The following WDR59 variants were observed in gnomAD, a reference collection of about 807,000 sequenced individuals.
WDR59 encodes GATOR2 complex protein WDR59.
Under a neutral mutation model 131.2 loss-of-function variants are expected in WDR59, and 100 were observed. The ratio of observed to expected loss-of-function variants is 0.76; its 90% CI spans 0.65 to 0.90. The LOEUF (loss-of-function observed/expected upper bound fraction) is 0.90, where lower values mean the gene tolerates loss of function less well. Ranked by LOEUF, WDR59 falls within the 40% of genes least tolerant of loss-of-function variation. The probability of loss-of-function intolerance (pLI) is 0.00; values close to 1 mark genes in which losing one functional copy is unlikely to be tolerated. For missense variants in WDR59, 1,203 were observed against 1,262.2 expected (o/e 0.95, Z 0.71); for synonymous variants, 601 against 466.2 (o/e 1.29, Z -3.72).
rs1567712322 is a variant in WDR59 at position 74,912,280 on chromosome 16, T to C, written c.1307A>G (p.Gln436Arg). 6.2e-7 allele frequency: 1 copy of C among 1,614,092 alleles called. No individual in the cohort carries two copies. Among genetic ancestry groups the C allele is most frequent in the African/African-American group, 1.3e-5 (1 of 74,946 alleles). The change falls in exon 14 of 26, where the codon CAG becomes CGG. Residue 436 changes from glutamine (Q) to arginine (R), a missense_variant. By Grantham distance (43) the Gln-to-Arg change is conservative. Coordinates refer to ENST00000262144, the MANE Select transcript of WDR59 (RefSeq NM_030581.4). Reference protein sequence around the residue: ...RVKMLVKFPAQYPNNAAPSFQ... With the variant: ...RVKMLVKFPARYPNNAAPSFQ... ...GGAAGGGGCGGCGTTGTTTGGGTAC[T>C]GTGCAGGGAACTTCACCAGCATCTT...
At chr16:74,967,362 G>T (rs1327011012) in intron 1 of WDR59, among the ~76,000 whole-genome samples, 5 of 152,170 alleles carry the variant, frequency 3.3e-5, no homozygotes, top group African/African-American at 1.2e-4. Flanking sequence ...TGATAAGGAG[G>T]AGGGCAAGAT....
intron 2 of WDR59, among the ~76,000 whole-genome samples, chr16:74,958,570 G>T (rs1477689970): frequency 2.3e-5 from 2 of 86,444 alleles, no homozygotes; most frequent in East Asian, 7.5e-4. Flanking sequence ...TCCAGCCTGG[G>T]GGACAGGCTG....
intron 8 of WDR59, among the ~76,000 whole-genome samples, chr16:74,927,477 A>G (rs538736760): frequency 2.8e-4 from 42 of 151,256 alleles, no homozygotes; most frequent in Non-Finnish European, 4.9e-4. Context: ...AGTCCCAGCT[A>G]CTTGCGAGGC....
intron 18 of WDR59, among the ~76,000 whole-genome samples, chr16:74,897,147 C>A (rs1965335371): frequency 1.3e-5 from 2 of 152,232 alleles, no homozygotes; most frequent in Admixed American, 6.5e-5. Flanking sequence ...CTCCACCCTT[C>A]TACGATGACT....
chr16:74,981,641 TATATATATATA>T lies in WDR59; in HGVS notation c.54+3312_54+3322del, dbSNP rs1270150457. Among the ~76,000 whole-genome samples the T allele has an allele frequency of 6.8e-3, 342 of 50,202 alleles. 40 individuals carry two copies. The highest frequency in any genetic ancestry group is 0.029 in the African/African-American group (217 of 7,362). 32.9% of individuals were successfully genotyped at this position (50,202 alleles called of 152,430 possible). On this transcript the variant is annotated intron_variant, in intron 1 of 25. Coordinates refer to ENST00000262144, the MANE Select transcript of WDR59 (RefSeq NM_030581.4). ...ATATATATATATATATATATATATA[TATATATATATA>T]TATATATATTTTTTTTTTTTTTAGA... is the stretch of plus-strand genomic sequence containing the variant.
rs547475487 is a variant in WDR59, at chr16:74,954,143, T to C, written c.240+2332A>G. 3.3e-5 allele frequency among the ~76,000 whole-genome samples: 5 copies of C among 152,240 alleles called. No individual in the cohort carries two copies. In the East Asian group the frequency reaches 9.7e-4, roughly 29 times the overall value. On this transcript the variant is annotated intron_variant, in intron 3 of 25. Coordinates refer to ENST00000262144, the MANE Select transcript of WDR59 (RefSeq NM_030581.4). ...CCACAATAAGGCTGGGTGCGGTGGC[T>C]CATGCCTGTAATCCAAGCACTTTGG...
chr16:74,903,996 C>A lies in WDR59; in HGVS notation c.1817G>T (p.Arg606Leu). 3 of 1,611,260 alleles carry A rather than the reference C, an allele frequency of 1.9e-6. No individual in the cohort carries two copies. Among genetic ancestry groups the A allele is most frequent in the Non-Finnish European group, 1.7e-6 (2 of 1,179,188 alleles). ...GATGGAGACCTGCTCTTTCTCGCTG[C>A]GAGTGGGGCTCCCACTGTATAAACG... is the stretch of plus-strand genomic sequence containing the variant. ...NLRLYSGSPT[R>L]SEKEQVSISS... Residue 606 changes from arginine to leucine, a missense_variant, in exon 18 of 26, where the codon CGC becomes CTC. By Grantham distance (102) the Arg-to-Leu change is moderately radical. Transcript: ENST00000262144.
In WDR59 at chr16:74,933,713, A is replaced by G. The variant is rs144956683; in HGVS notation, c.651+4437T>C. ...GCGATTCTCCTGCCTCAGCCACCCA[A>G]CTAGCTGGGATTACAGGCTGCACCA... On this transcript the variant is annotated intron_variant, in intron 8 of 25. Coordinates refer to ENST00000262144, the MANE Select transcript of WDR59 (RefSeq NM_030581.4). 1.5e-3 allele frequency among the ~76,000 whole-genome samples: 225 copies of G among 152,140 alleles called. 3 individuals carry two copies. The highest frequency in any genetic ancestry group is 5.1e-3 in the African/African-American group (212 of 41,508).
chr16:74,901,651 TAAAAAAA>T (rs200878105), intron 18 of WDR59, among the ~76,000 whole-genome samples: 1 of 135,826 alleles, frequency 7.4e-6, no homozygotes. Flanking sequence ...CCCCATCTCT[TAAAAAAA>T]AAAAAAAAAA....
At chr16:74,951,660 A>G (rs2033006944) in intron 3 of WDR59, 117 bp from the exon 4 acceptor site, 2 of 854,810 alleles carry the variant, frequency 2.3e-6, no homozygotes, top group Non-Finnish European at 3.8e-6. Flanking sequence ...AAGATCCTTC[A>G]GGCTGAACTT....
rs1231444150 is a variant in WDR59, at chr16:74,951,485, G to T, written c.299C>A (p.Thr100Asn). The change falls in exon 4 of 26, where the codon ACC (threonine) becomes AAC (asparagine). Residue 100 changes from threonine to asparagine, a missense_variant. Coordinates refer to ENST00000262144, the MANE Select transcript of WDR59 (RefSeq NM_030581.4). Reference protein sequence around the residue: ...WKDGSGEVGTTLQGHTRVISD... With the variant: ...WKDGSGEVGTNLQGHTRVISD... ...GATGACACGAGTGTGGCCTTGTAAGGTTGTGCCAACTTCCCCACTGCCGTC... is the reference window on the plus strand; with the variant it reads ...GATGACACGAGTGTGGCCTTGTAAGTTTGTGCCAACTTCCCCACTGCCGTC... 1 of 1,602,918 alleles carries T rather than the reference G, an allele frequency of 6.2e-7. No homozygotes were observed. The highest frequency in any genetic ancestry group is 8.5e-7 in the Non-Finnish European group (1 of 1,175,284).
At chr16:74,962,959 C>T (rs902417875) in intron 2 of WDR59, 2 of 151,446 alleles carry the variant, frequency 1.3e-5, no homozygotes, top group Non-Finnish European at 3.0e-5. Flanking sequence ...CTAAATTACT[C>T]TATTATAAAG....
chr16:74,886,520 T>C, intron 23 of WDR59, 124 bp from the exon 24 acceptor site: 2 of 1,297,428 alleles, frequency 1.5e-6, no homozygotes, highest in Admixed American at 5.5e-5. Flanking sequence ...CGAGGCTGAA[T>C]ATTCTGAGAA....
intron 14 of WDR59, 118 bp downstream of exon 14, chr16:74,912,080 G>A (rs1966121203): frequency 3.7e-6 from 5 of 1,344,176 alleles, no homozygotes; most frequent in Non-Finnish European, 5.3e-6. Flanking sequence ...TAATACTAGT[G>A]TGTGTACGAA....
intron 23 of WDR59, among the ~76,000 whole-genome samples, chr16:74,886,850 G>A (rs564012386): frequency 6.6e-6 from 1 of 152,292 alleles, no homozygotes; most frequent in African/African-American, 2.4e-5. Flanking sequence ...TCGAACCTGG[G>A]AGGCAGAGGG....
chr16:74,938,037 C>G (rs771988960), intron 8 of WDR59, 113 bp downstream of exon 8: 2 of 693,560 alleles, frequency 2.9e-6, no homozygotes, highest in South Asian at 6.9e-5. Context: ...AGCACATGCA[C>G]CGTGAAATAC....
Position 74,885,634 on chromosome 16 carries a change from G to A in WDR59, c.2689+19C>T, listed in dbSNP as rs764579176. On this transcript the variant is annotated intron_variant, in intron 25 of 25. Transcript: ENST00000262144. ...GATCTTTCAGACAGTGAAAGGAAGA[G>A]AGAGAAATTCATACTCACCGATCCC... 1 of 1,612,746 alleles carries A rather than the reference G, an allele frequency of 6.2e-7. No homozygotes were observed. The highest frequency in any genetic ancestry group is 8.5e-7 in the Non-Finnish European group (1 of 1,179,524).
chr16:74,913,069 TTGG>T (rs1332749025), intron 13 of WDR59, among the ~76,000 whole-genome samples: 115 of 7,662 alleles, frequency 0.015, no homozygotes, highest in African/African-American at 0.022. Flanking sequence ...TGGCTAGATT[TTGG>T]GGGGGGGGGG....
chr16:74,904,445 A>C (rs1020032009), intron 17 of WDR59: 49 of 217,854 alleles, frequency 2.2e-4, no homozygotes, highest in Non-Finnish European at 1.2e-4. Flanking sequence ...TAGCATTAAA[A>C]CACGTCAAAT....
Sources: gnomAD v4.1 joint callset for allele counts (sites outside exome capture counted in the v4.1 genomes callset) on GRCh38, gnomAD v4.1.1 for gene constraint, MANE v1.5 for transcripts, NCBI Gene and HGNC (gene_info 2026-07-23, HGNC 2026-07-21) for gene names.